The following RNF8 variants were observed in gnomAD, a reference collection of about 807,000 sequenced individuals.
RNF8 encodes the protein E3 ubiquitin-protein ligase RNF8.
RNF8 carries 8 observed loss-of-function variants against 59.3 expected under a neutral mutation model. The observed-to-expected ratio is 0.13, with a 90% CI of 0.08 to 0.24. The LOEUF is 0.24. Ranked by LOEUF, RNF8 falls within the 10% of genes least tolerant of loss-of-function variation. RNF8 has a pLI of 1.00. For synonymous variants in RNF8, 162 were observed against 200.0 expected (o/e 0.81, Z 1.60); for missense variants, 406 against 572.6 (o/e 0.71, Z 2.97).
intron 2 of RNF8, among the ~76,000 whole-genome samples, chr6:37,366,954 A>C (rs911198219): frequency 6.6e-6 from 1 of 152,220 alleles, no homozygotes; most frequent in South Asian, 2.1e-4. Context: ...TTGCATTTAC[A>C]GGCTATGCCA....
intron 6 of RNF8, among the ~76,000 whole-genome samples, 170 bp downstream of exon 6, chr6:37,377,203 G>A (rs1269384438): frequency 6.6e-6 from 1 of 150,882 alleles, no homozygotes; most frequent in Admixed American, 6.6e-5. Context: ...CTCCCAAGTA[G>A]CTGGGTCCCT....
chr6:37,367,488 C>G (rs888786393), intron 2 of RNF8, among the ~76,000 whole-genome samples: 1 of 152,232 alleles, frequency 6.6e-6, no homozygotes. Context: ...ACGGCATCCT[C>G]TGCCGCCTGG....
chr6:37,381,039 A>G (rs1770239541), intron 6 of RNF8, 111 bp from the exon 7 acceptor site: 1 of 894,736 alleles, frequency 1.1e-6, no homozygotes, highest in Non-Finnish European at 1.8e-6. Flanking sequence ...GATTGTTGTT[A>G]ATTTTCCATT....
In RNF8 at chr6:37,392,366, T is replaced by A. The variant is rs368533149; in HGVS notation, c.*1608T>A. The A allele has an allele frequency of 3.3e-4, 133 of 398,316 alleles. 3 individuals carry two copies. In the South Asian group the frequency reaches 0.013, roughly 40 times the overall value. The allele number at this position is 398,316 out of a possible 1,614,324, so 24.7% of individuals were successfully genotyped here. A position where few individuals can be genotyped will look rare whatever the true frequency, so the allele number is the denominator to read the frequency against. On this transcript the variant is annotated 3_prime_UTR_variant, in exon 8 of 8. Transcript: ENST00000373479. ...TAAGAGAGTACAGACATACACTTTTTGAGTAGGCAATATGTTCACATAGTT... is the reference window on the plus strand; with the variant it reads ...TAAGAGAGTACAGACATACACTTTTAGAGTAGGCAATATGTTCACATAGTT...
rs150960900 is a variant in RNF8, at chr6:37,368,492, T to C, written c.249T>C (p.Asn83=). The C allele has an allele frequency of 2.0e-4, 330 of 1,614,060 alleles. No individual in the cohort carries two copies. Among genetic ancestry groups the C allele is most frequent in the Non-Finnish European group, 2.7e-4 (316 of 1,180,030 alleles). The part of the protein sequence containing the change: ...QWTIMDNKSL[N]GVWLNRARLE... ...TCTTTCACTTTCCCCAGAGTCTAAA[T>C]GGTGTTTGGCTGAACAGAGCGCGTC... Residue 83 remains asparagine, a synonymous_variant, in exon 3 of 8, where the codon AAT becomes AAC. Coordinates refer to ENST00000373479, the MANE Select transcript of RNF8 (RefSeq NM_003958.4).
At chr6:37,372,534 G>A (rs1769853164) in intron 4 of RNF8, among the ~76,000 whole-genome samples, 1 of 152,230 alleles carries the variant, frequency 6.6e-6, no homozygotes, top group East Asian at 1.9e-4. Flanking sequence ...TTCAGACATT[G>A]TTTTGAAATT....
intron 7 of RNF8, among the ~76,000 whole-genome samples, chr6:37,388,492 G>A (rs1409487192): frequency 6.6e-6 from 1 of 152,134 alleles, no homozygotes; most frequent in African/African-American, 2.4e-5. Context: ...GGAAGTGGAT[G>A]AACCACTGTT....
Position 37,368,693 on chromosome 6 carries a change from G to T in RNF8, c.450G>T (p.Leu150Phe). The T allele has an allele frequency of 6.2e-7, 1 of 1,613,946 alleles. No homozygotes were observed. The highest frequency in any genetic ancestry group is 1.1e-5 in the South Asian group (1 of 91,034). ...NDQMIEKNKE[L>F]RTKRKFSLDE... ...AAATGATAGAAAAAAATAAGGAATT[G>T]AGAACTAAAAGGAAATTCAGTTTGG... Residue 150 changes from leucine (L) to phenylalanine (F), a missense_variant, in exon 3 of 8, where the codon TTG becomes TTT. Coordinates refer to ENST00000373479, the MANE Select transcript of RNF8 (RefSeq NM_003958.4).
intron 4 of RNF8, among the ~76,000 whole-genome samples, chr6:37,372,981 T>C (rs2113824684): frequency 6.6e-6 from 1 of 152,272 alleles, no homozygotes; most frequent in African/African-American, 2.4e-5. Context: ...AGTGATACTT[T>C]TAGGTCATGG....
chr6:37,367,149 G>A (rs962986107), intron 2 of RNF8, among the ~76,000 whole-genome samples: 8 of 152,178 alleles, frequency 5.3e-5, no homozygotes, highest in African/African-American at 1.9e-4. Flanking sequence ...TACGTAATAC[G>A]ATGCCCAGGC....
rs1346018261 is a variant in RNF8 at position 37,354,228 on chromosome 6, C to T, written c.64C>T (p.Arg22Trp). The T allele has an allele frequency of 6.3e-7, 1 of 1,574,924 alleles. No individual in the cohort carries two copies. Residue 22 changes from arginine to tryptophan, a missense_variant, in exon 1 of 8, where the codon CGG becomes TGG. Arg to Trp is a moderately radical substitution (Grantham distance 101, BLOSUM62 -3). This residue lies in a region of RNF8 where 62 missense variants were observed against 112.2 expected (regional missense o/e 0.55). Transcript: ENST00000373479. ...RAGGRSWCLR[R>W]VGMSAGWLLL... The stretch of plus-strand genomic sequence containing the variant: ...CGGTGGCCGGAGCTGGTGCCTGCGG[C>T]GGGTGGGGATGAGCGCCGGGTGGCT...
intron 1 of RNF8, among the ~76,000 whole-genome samples, chr6:37,358,546 A>G (rs1706541070): frequency 6.6e-6 from 1 of 152,192 alleles, no homozygotes; most frequent in Admixed American, 6.5e-5. Context: ...GATGAGGGAC[A>G]GAGATGAATC....
chr6:37,358,155 T>C (rs1769187755), intron 1 of RNF8, among the ~76,000 whole-genome samples: 1 of 152,076 alleles, frequency 6.6e-6, no homozygotes, highest in African/African-American at 2.4e-5. Context: ...GACCCTCAGG[T>C]AGGCTGGCAC....
chr6:37,358,485 G>C (rs1257238300), intron 1 of RNF8, among the ~76,000 whole-genome samples: 6 of 152,198 alleles, frequency 3.9e-5, no homozygotes, highest in Non-Finnish European at 8.8e-5. Context: ...AACAGACTTA[G>C]GACATATTTG....
At chr6:37,380,363 C>T (rs979978183) in intron 6 of RNF8, among the ~76,000 whole-genome samples, 8 of 152,084 alleles carry the variant, frequency 5.3e-5, no homozygotes, top group Admixed American at 5.2e-4. Context: ...AATTGTCTAA[C>T]ATAAAGCTTA....
chr6:37,360,346 G>C lies in RNF8; in HGVS notation c.112-100G>C. 7.0e-7 allele frequency: 1 copy of C among 1,436,202 alleles called. No homozygotes were observed. 89.0% of individuals were successfully genotyped at this position (1,436,202 alleles called of 1,614,324 possible). On this transcript the variant is annotated intron_variant, in intron 1 of 7. Transcript: ENST00000373479. The surrounding 1 kb of genome is among the most constrained non-coding windows in gnomAD (Gnocchi z 4.2). The stretch of plus-strand genomic sequence containing the variant: ...GTTCCACAGGTGTCTGGTTTCTTAA[G>C]TCAGGACCTGCATATGCTGCTGGTT...
chr6:37,372,145 T>G (rs1769835646), intron 4 of RNF8, among the ~76,000 whole-genome samples: 2 of 152,252 alleles, frequency 1.3e-5, no homozygotes, highest in Admixed American at 1.3e-4. Flanking sequence ...TTGATTATTT[T>G]TTTGTGTGCT....
At chr6:37,377,058 CTTCT>C in intron 6 of RNF8, 25 bp downstream of exon 6, 6 of 692,092 alleles carry the variant, frequency 8.7e-6, no homozygotes, top group South Asian at 4.0e-5. Flanking sequence ...TTGCTCACCC[CTTCT>C]TTTTTTTTTT....
chr6:37,389,898 C>T (rs373508027), intron 7 of RNF8, among the ~76,000 whole-genome samples: 1 of 152,190 alleles, frequency 6.6e-6, no homozygotes, highest in African/African-American at 2.4e-5. Context: ...AAGTGGGAGA[C>T]GAATAACTTC....
Sources: gnomAD v4.1 joint callset for allele counts (sites outside exome capture counted in the v4.1 genomes callset) on GRCh38, gnomAD v4.1.1 for gene constraint, gnomAD v4.1.1 regional missense constraint, Gnocchi (gnomAD v3.1) non-coding constraint, MANE v1.5 for transcripts, NCBI Gene and HGNC (gene_info 2026-07-23, HGNC 2026-07-21) for gene names.